Variants in GPHN observed in about 807,000 individuals in gnomAD.
The protein encoded by GPHN is gephyrin.
In GPHN, 17 loss-of-function variants were observed where a neutral mutation model predicts 95.5. The observed-to-expected ratio is 0.18, with a 90% CI of 0.12 to 0.27. GPHN has a LOEUF of 0.27. Ranked by LOEUF, GPHN falls within the 10% of genes least tolerant of loss-of-function variation. GPHN has a pLI of 1.00. For synonymous variants in GPHN, 320 were observed against 322.5 expected (o/e 0.99, Z 0.08); for missense variants, 660 against 978.1 (o/e 0.67, Z 4.34).
chr14:67,469,274 C>T, the GPHN span, among the ~76,000 whole-genome samples: 3 of 152,030 alleles, frequency 2.0e-5, no homozygotes, highest in African/African-American at 7.2e-5. Flanking sequence ...ATGCCATTTG[C>T]GTTTAGCTGA....
chr14:67,635,584 C>T, the GPHN span, among the ~76,000 whole-genome samples: 6 of 152,236 alleles, frequency 3.9e-5, no homozygotes, highest in East Asian at 1.9e-4. Flanking sequence ...CCGGGCACGG[C>T]GGCTCACACC....
chr14:67,658,592 G>A, the GPHN span, among the ~76,000 whole-genome samples: 22 of 151,616 alleles, frequency 1.5e-4, no homozygotes, highest in African/African-American at 5.4e-4. Flanking sequence ...GCGAGACTCC[G>A]TCTCAAAAAA....
chr14:67,342,011 C>T, the GPHN span, among the ~76,000 whole-genome samples: 1 of 151,524 alleles, frequency 6.6e-6, no homozygotes, highest in South Asian at 2.1e-4. Flanking sequence ...GTCATCACCA[C>T]TCCCTAATCT....
chr14:66,557,557 A>G (rs534426616), intron 1 of GPHN, among the ~76,000 whole-genome samples: 1 of 152,326 alleles, frequency 6.6e-6, no homozygotes, highest in East Asian at 1.9e-4. Flanking sequence ...TTAAGGGAAA[A>G]TAAGTTACTT....
the GPHN span, among the ~76,000 whole-genome samples, chr14:67,732,266 C>T: frequency 6.6e-6 from 1 of 151,750 alleles, no homozygotes; most frequent in African/African-American, 2.4e-5. Flanking sequence ...GTGAGACCCC[C>T]ATCTCTACTA....
the GPHN span, among the ~76,000 whole-genome samples, chr14:67,732,226 C>T: frequency 5.3e-5 from 8 of 151,474 alleles, no homozygotes; most frequent in East Asian, 5.9e-4. Flanking sequence ...TGCTTGAGCT[C>T]GGGAATTCCA....
the GPHN span, among the ~76,000 whole-genome samples, chr14:67,732,361 C>G: frequency 6.6e-6 from 1 of 150,926 alleles, no homozygotes; most frequent in South Asian, 2.1e-4. Context: ...TGGCTTCAGC[C>G]TGGGAGGTCA....
At chr14:67,242,624 A>G in the GPHN span, among the ~76,000 whole-genome samples, 1 of 151,838 alleles carries the variant, frequency 6.6e-6, no homozygotes, top group Non-Finnish European at 1.5e-5. Flanking sequence ...ATTAAGAACT[A>G]CGATTTTTTT....
chr14:66,568,812 A>G (rs894397087), intron 1 of GPHN, among the ~76,000 whole-genome samples: 1 of 151,000 alleles, frequency 6.6e-6, no homozygotes, highest in African/African-American at 2.4e-5. Context: ...CAAATAGATT[A>G]AATAATAAAT....
At chr14:67,325,964 A>G in the GPHN span, among the ~76,000 whole-genome samples, 3 of 141,606 alleles carry the variant, frequency 2.1e-5, no homozygotes, top group Admixed American at 7.1e-5. Context: ...ACCTGCCACC[A>G]CACCCGGCTC....
At chr14:67,221,834 T>G in the GPHN span, 1 of 1,611,242 alleles carries the variant, frequency 6.2e-7, no homozygotes, top group East Asian at 2.2e-5. Flanking sequence ...ACTACATGTT[T>G]TATTGTGATC....
At chr14:67,187,345 C>T in the GPHN span, among the ~76,000 whole-genome samples, 1 of 152,142 alleles carries the variant, frequency 6.6e-6, no homozygotes, top group African/African-American at 2.4e-5. Context: ...TAGTTAATGG[C>T]ACCATCATTC....
intron 1 of GPHN, among the ~76,000 whole-genome samples, chr14:66,611,426 A>G (rs181661109): frequency 8.2e-4 from 125 of 152,298 alleles, no homozygotes; most frequent in Admixed American, 1.4e-3. Flanking sequence ...ACAAAAAAGC[A>G]TAGAAAATAT....
At chr14:67,499,484 C>T in the GPHN span, among the ~76,000 whole-genome samples, 409 of 152,296 alleles carry the variant, frequency 2.7e-3, 1 homozygote, top group African/African-American at 9.6e-3. Flanking sequence ...GTTATCTCTA[C>T]AGGCCAGGGA....
intron 19 of GPHN, among the ~76,000 whole-genome samples, chr14:67,164,041 G>A (rs2082120247): frequency 6.6e-6 from 1 of 151,930 alleles, no homozygotes; most frequent in Non-Finnish European, 1.5e-5. Context: ...GGCCGAGGCA[G>A]GCGGATCACC....
rs1488189204 is a variant in GPHN, at chr14:66,836,921, A to G, written c.294+12355A>G. ...ACCATCTCACACCAGTTAGAATGGC[A>G]ATCATTAAAAAGTCAGGAAACAACA... On this transcript the variant is annotated intron_variant, in intron 4 of 22. Transcript: ENST00000478722. Among the ~76,000 whole-genome samples the G allele has an allele frequency of 1.2e-3, 174 of 149,232 alleles. 2 individuals are homozygous for G. The highest frequency in any genetic ancestry group is 4.1e-3 in the African/African-American group (165 of 40,528).
chr14:66,920,533 CTT>C (rs753181787), intron 6 of GPHN, among the ~76,000 whole-genome samples: 19 of 138,022 alleles, frequency 1.4e-4, no homozygotes, highest in Non-Finnish European at 6.3e-5. Flanking sequence ...GCAGTGCATG[CTT>C]TTTTTTTTTT....
At chr14:66,776,015 G>A (rs936616232) in intron 2 of GPHN, among the ~76,000 whole-genome samples, 1 of 152,112 alleles carries the variant, frequency 6.6e-6, no homozygotes, top group Non-Finnish European at 1.5e-5. Flanking sequence ...AGGGAAACAA[G>A]GTCATGGGGA....
intron 1 of GPHN, among the ~76,000 whole-genome samples, chr14:66,541,936 A>G (rs1321972632): frequency 1.3e-5 from 2 of 152,200 alleles, no homozygotes; most frequent in Admixed American, 6.5e-5. Flanking sequence ...CTTGTTTATG[A>G]CACAGATGAT....
Sources: allele counts gnomAD v4.1 joint callset (sites outside exome capture counted in the v4.1 genomes callset), GRCh38; gene constraint gnomAD v4.1.1; transcripts MANE v1.5; gene names NCBI Gene and HGNC (gene_info 2026-07-23, HGNC 2026-07-21).